The following BBS9 variants were observed in gnomAD, a reference collection of about 807,000 sequenced individuals.
BBS9 encodes the protein protein PTHB1.
In BBS9, 89 loss-of-function variants were observed where a neutral mutation model predicts 117.7. That is an observed-to-expected ratio of 0.76 (90% CI 0.64 to 0.90). The LOEUF (loss-of-function observed/expected upper bound fraction) is 0.90. Among genes scored for constraint, BBS9 ranks in the 40% least tolerant of loss-of-function variants. BBS9 has a pLI of 0.00. For synonymous variants in BBS9, 379 were observed against 370.9 expected, an observed-to-expected ratio of 1.02 and a Z score of -0.25; for missense variants, 982 against 1,042.2, an observed-to-expected ratio of 0.94 and a Z score of 0.80.
intron 4 of BBS9, among the ~76,000 whole-genome samples, chr7:33,156,501 C>A (rs919448751): frequency 9.2e-5 from 14 of 152,126 alleles, no homozygotes; most frequent in African/African-American, 3.1e-4. Flanking sequence ...TTATTCTCTT[C>A]ATTTGGGCTT....
intron 21 of BBS9, among the ~76,000 whole-genome samples, chr7:33,559,670 C>T (rs940982930): frequency 6.6e-6 from 1 of 152,142 alleles, no homozygotes; most frequent in South Asian, 2.1e-4. Context: ...TATTATGCAA[C>T]CCCTATAGAC....
chr7:33,627,231 G>C (rs1225167198), intron 21 of BBS9, among the ~76,000 whole-genome samples: 1 of 152,210 alleles, frequency 6.6e-6, no homozygotes, highest in Non-Finnish European at 1.5e-5. Flanking sequence ...TGCTCCTGAG[G>C]GTGCAAGCTG....
At position 33,300,233 on chromosome 7, in the gene BBS9, C is replaced by T. The variant is rs539602595; in HGVS notation, c.1016+26277C>T. On this transcript the variant is annotated intron_variant, in intron 9 of 22. Transcript: ENST00000242067. ...GAAGTTAATACTCTGACCCCACCTTCCTCCCTCTCTCCAGTCTCTTGCCAA... is the reference window on the plus strand; with the variant it reads ...GAAGTTAATACTCTGACCCCACCTTTCTCCCTCTCTCCAGTCTCTTGCCAA... Among the ~76,000 whole-genome samples the T allele has an allele frequency of 2.6e-5, 4 of 152,254 alleles. No individual in the cohort carries two copies. In the South Asian group the frequency reaches 8.3e-4, roughly 32 times the overall value.
At chr7:33,408,151 C>T (rs1423970965) in intron 19 of BBS9, among the ~76,000 whole-genome samples, 1 of 152,230 alleles carries the variant, frequency 6.6e-6, no homozygotes, top group African/African-American at 2.4e-5. Context: ...GCGGGCGCCC[C>T]TCCCCCAGCC....
At chr7:33,524,802 G>T (rs887097114) in intron 20 of BBS9, among the ~76,000 whole-genome samples, 9 of 152,088 alleles carry the variant, frequency 5.9e-5, no homozygotes, top group African/African-American at 2.2e-4. Flanking sequence ...TTTTGAATGT[G>T]TTTGCTCTTG....
At chr7:33,306,572 G>A (rs979914827) in intron 9 of BBS9, among the ~76,000 whole-genome samples, 11 of 152,000 alleles carry the variant, frequency 7.2e-5, no homozygotes, top group African/African-American at 2.2e-4. Context: ...TATTAAATCC[G>A]GTAAGCCAGA....
intron 20 of BBS9, among the ~76,000 whole-genome samples, chr7:33,527,587 T>G (rs1849807593): frequency 6.6e-6 from 1 of 152,232 alleles, no homozygotes; most frequent in African/African-American, 2.4e-5. Flanking sequence ...AGTGAGGCAA[T>G]GCCTCGCCCT....
At chr7:33,561,550 T>G (rs1165816415) in intron 21 of BBS9, among the ~76,000 whole-genome samples, 1 of 152,094 alleles carries the variant, frequency 6.6e-6, no homozygotes, top group Non-Finnish European at 1.5e-5. Context: ...AGATGAGAAT[T>G]TGGGAATGAT....
At position 33,372,757 on chromosome 7, in the gene BBS9, G is replaced by A. The variant is rs538056135; in HGVS notation, c.1789+4895G>A. 1.2e-3 allele frequency among the ~76,000 whole-genome samples: 183 copies of A among 152,198 alleles called. 3 individuals are homozygous for A. In the Middle Eastern group the frequency reaches 0.017, roughly 14 times the overall value. ...TTAGTTCTTCTTTAAATGTTTGATG[G>A]AATTCAGCAGTGAAGCCCTCAAGTC... On this transcript the variant is annotated intron_variant, in intron 17 of 22. Transcript: ENST00000242067.
At chr7:33,223,334 A>C (rs908136125) in intron 5 of BBS9, among the ~76,000 whole-genome samples, 2 of 152,138 alleles carry the variant, frequency 1.3e-5, no homozygotes, top group African/African-American at 4.8e-5. Flanking sequence ...CTCTGTTTGC[A>C]ATTTTCAAGT....
chr7:33,160,705 G>A (rs1247658487), intron 4 of BBS9, among the ~76,000 whole-genome samples: 3 of 152,266 alleles, frequency 2.0e-5, no homozygotes, highest in East Asian at 3.9e-4. Flanking sequence ...CTTTTGAGTT[G>A]TGAGATTATT....
At chr7:33,403,261 T>G (rs999083937) in intron 19 of BBS9, among the ~76,000 whole-genome samples, 4 of 151,560 alleles carry the variant, frequency 2.6e-5, no homozygotes, top group African/African-American at 4.8e-5. Context: ...CCCACTCTAA[T>G]ACTCCCAGTA....
intron 5 of BBS9, among the ~76,000 whole-genome samples, chr7:33,242,173 A>T (rs1306245095): frequency 6.6e-6 from 1 of 152,098 alleles, no homozygotes; most frequent in African/African-American, 2.4e-5. Context: ...CATTAAAATC[A>T]GTTTGGGGTT....
intron 1 of BBS9, among the ~76,000 whole-genome samples, chr7:33,142,138 G>A (rs1270903569): frequency 6.6e-6 from 1 of 152,070 alleles, no homozygotes; most frequent in Admixed American, 6.5e-5. Flanking sequence ...AGCCAAGATG[G>A]TTTTGATCTC....
In BBS9 at chr7:33,209,832, A is replaced by G. The variant is rs10233819; in HGVS notation, c.442+32241A>G. On this transcript the variant is annotated intron_variant, in intron 5 of 22. Coordinates refer to ENST00000242067, the MANE Select transcript of BBS9 (RefSeq NM_198428.3). ...AAGGTTTGTCAATTTTATCTTTTTA[A>G]AAAACCAACTTTTTGTGTCATTGAT... Among the ~76,000 whole-genome samples, 613 of 152,080 alleles carry G rather than the reference A, an allele frequency of 4.0e-3. 4 individuals carry two copies. The highest frequency in any genetic ancestry group is 0.014 in the African/African-American group (587 of 41,518).
At chr7:33,426,992 A>C (rs1343128260) in intron 19 of BBS9, among the ~76,000 whole-genome samples, 1 of 152,212 alleles carries the variant, frequency 6.6e-6, no homozygotes, top group Non-Finnish European at 1.5e-5. Flanking sequence ...CAACAAACAC[A>C]ATTAATCCTT....
chr7:33,206,917 T>C (rs1479923731), intron 5 of BBS9, among the ~76,000 whole-genome samples: 1 of 152,204 alleles, frequency 6.6e-6, no homozygotes, highest in Non-Finnish European at 1.5e-5. Context: ...CCAATTTTCT[T>C]TGTCTTTTAT....
chr7:33,186,864 AG>A (rs1455139708), intron 5 of BBS9, among the ~76,000 whole-genome samples: 1 of 152,218 alleles, frequency 6.6e-6, no homozygotes, highest in Non-Finnish European at 1.5e-5. Context: ...TGCAAAATTT[AG>A]TGAGTAGCAT....
intron 21 of BBS9, among the ~76,000 whole-genome samples, chr7:33,577,478 G>A (rs1447907625): frequency 6.6e-6 from 1 of 152,200 alleles, no homozygotes; most frequent in Non-Finnish European, 1.5e-5. Flanking sequence ...TTCCACTATT[G>A]TGGAAGACAG....
Sources: gnomAD v4.1 joint callset for allele counts (sites outside exome capture counted in the v4.1 genomes callset) on GRCh38, gnomAD v4.1.1 for gene constraint, MANE v1.5 for transcripts, NCBI Gene and HGNC (gene_info 2026-07-23, HGNC 2026-07-21) for gene names.